The following GTF3C3 variants were observed in gnomAD, a reference collection of about 807,000 sequenced individuals.
GTF3C3 encodes general transcription factor IIIC subunit 3, also known as general transcription factor 3C polypeptide 3.
Under a neutral mutation model 105.2 loss-of-function variants are expected in GTF3C3, and 75 were observed. The ratio of observed to expected loss-of-function variants is 0.71; its 90% CI spans 0.59 to 0.86. The LOEUF (loss-of-function observed/expected upper bound fraction) is 0.86, where lower values mean the gene tolerates loss of function less well. Ranked by LOEUF, GTF3C3 falls within the 40% of genes least tolerant of loss-of-function variation. The pLI, the probability that GTF3C3 is intolerant of heterozygous loss-of-function variation, is 0.00. For synonymous variants in GTF3C3, 335 were observed against 370.4 expected (o/e 0.90, Z 1.10); for missense variants, 856 against 1,076.5 (o/e 0.80, Z 2.87).
intron 14 of GTF3C3, 29 bp downstream of exon 14, chr2:196,772,887 C>A: frequency 9.1e-7 from 1 of 1,104,790 alleles, no homozygotes; most frequent in Non-Finnish European, 1.3e-6. Context: ...ATTAAAGAAT[C>A]TAATTAAAAT....
intron 2 of GTF3C3, among the ~76,000 whole-genome samples, chr2:196,794,896 T>C (rs1699614091): frequency 6.7e-6 from 1 of 149,250 alleles, no homozygotes; most frequent in African/African-American, 2.5e-5. Context: ...ACCTGGCTAA[T>C]TTTTGTATTT....
At chr2:196,799,411 G>T in intron 1 of GTF3C3, 99 bp downstream of exon 1, 2 of 861,122 alleles carry the variant, frequency 2.3e-6, no homozygotes, top group Non-Finnish European at 3.9e-6. Context: ...AAAGTTCCCA[G>T]CCCGCCCCAT....
At chr2:196,795,562 A>G (rs1312219642) in intron 2 of GTF3C3, among the ~76,000 whole-genome samples, 1 of 152,198 alleles carries the variant, frequency 6.6e-6, no homozygotes, top group Non-Finnish European at 1.5e-5. Context: ...AAAAGAAGAA[A>G]AATCGTATGA....
chr2:196,791,494 T>A (rs1433640509), intron 3 of GTF3C3, 34 bp from the exon 4 acceptor site: 1 of 1,560,340 alleles, frequency 6.4e-7, no homozygotes, highest in Non-Finnish European at 8.8e-7. Context: ...TAGATTAAAA[T>A]ATAGTGAAGT....
At chr2:196,793,767 T>G (rs536710357) in intron 2 of GTF3C3, among the ~76,000 whole-genome samples, 1 of 152,336 alleles carries the variant, frequency 6.6e-6, no homozygotes, top group African/African-American at 2.4e-5. Context: ...AAAATAGCTT[T>G]ATTATTTCAG....
At chr2:196,781,353 AAAAAAT>A (rs1379305059) in intron 8 of GTF3C3, among the ~76,000 whole-genome samples, 5 of 23,142 alleles carry the variant, frequency 2.2e-4, no homozygotes, top group Non-Finnish European at 6.3e-4. Context: ...AAAAAAAAAA[AAAAAAT>A]ATATATATAT....
chr2:196,770,420 A>T (rs747944821), intron 15 of GTF3C3, among the ~76,000 whole-genome samples: 2 of 152,220 alleles, frequency 1.3e-5, no homozygotes, highest in Non-Finnish European at 2.9e-5. Context: ...TTATAGAATC[A>T]ACTGATCTGT....
chr2:196,780,939 T>C (rs1323312537), intron 8 of GTF3C3: 3 of 244,372 alleles, frequency 1.2e-5, no homozygotes, highest in African/African-American at 6.7e-5. Context: ...ATAATGAGGA[T>C]ATATGAACCC....
chr2:196,783,274 AGGAGGGAGGGAG>A (rs982131063), intron 8 of GTF3C3, among the ~76,000 whole-genome samples: 5 of 126,774 alleles, frequency 3.9e-5, no homozygotes, highest in African/African-American at 1.5e-4. Flanking sequence ...GAAGGAGGGA[AGGAGGGAGGGAG>A]GGAGGGAGGG....
rs564495273 is a variant in GTF3C3 at position 196,777,283 on chromosome 2, A to ATT, written c.1391-656_1391-655dup. ...GTATTCTCTCTCTCTCACTTCACTC[A>ATT]TTTTTGTTACCTGCCAGGCTCCCAA... On this transcript the variant is annotated intron_variant, in intron 10 of 17. Coordinates refer to ENST00000263956, the MANE Select transcript of GTF3C3 (RefSeq NM_012086.5). Among the ~76,000 whole-genome samples, 12 of 152,044 alleles carry ATT rather than the reference A, an allele frequency of 7.9e-5. No homozygotes were observed. In the South Asian group the frequency reaches 1.7e-3, roughly 21 times the overall value.
At chr2:196,799,486 C>T (rs1699708953) in intron 1 of GTF3C3, 24 bp downstream of exon 1, 7 of 1,562,926 alleles carry the variant, frequency 4.5e-6, no homozygotes, top group Non-Finnish European at 6.2e-6. Context: ...GAGTGAAGGG[C>T]ACCGTGGCCT....
In GTF3C3 at chr2:196,764,023, T is replaced by C. The variant is rs1481393918; in HGVS notation, c.*540A>G. Reference sequence around the variant, plus strand: ...CCAGCCTCCCATGTTTCAGTTTAGGTAGCTAAGATACATGCTGGTGAAAAG... The same window carrying C: ...CCAGCCTCCCATGTTTCAGTTTAGGCAGCTAAGATACATGCTGGTGAAAAG... On this transcript the variant is annotated 3_prime_UTR_variant, in exon 18 of 18. Coordinates refer to ENST00000263956, the MANE Select transcript of GTF3C3 (RefSeq NM_012086.5). 6.6e-6 allele frequency: 1 copy of C among 152,250 alleles called. No homozygotes were observed. The highest frequency in any genetic ancestry group is 1.5e-5 in the Non-Finnish European group (1 of 68,036). The allele number at this position is 152,250 out of a possible 1,614,324, so 9.4% of individuals were successfully genotyped here. A position where few individuals can be genotyped will look rare whatever the true frequency, so the allele number is the denominator to read the frequency against.
Position 196,776,034 on chromosome 2 carries a change from A to G in GTF3C3, c.1671T>C (p.Leu557=). 6.3e-7 allele frequency: 1 copy of G among 1,575,464 alleles called. No individual in the cohort carries two copies. ...CCTTTAAAAGCATGGCTAACATAGT[A>G]AGTAAGGTATCCACATAACCATACA... The part of the protein sequence containing the change: ...GKMYGYVDTL[L]TMLAMLLKVA... The change falls in exon 12 of 18, where the codon CTT becomes CTC. Residue 557 remains leucine (L), a synonymous_variant. Transcript: ENST00000263956. This position sits in a 1 kb window ranked among gnomAD's most constrained non-coding sequence, Gnocchi z 4.5.
chr2:196,773,280 TC>T, intron 13 of GTF3C3, 127 bp from the exon 14 acceptor site: 2 of 669,544 alleles, frequency 3.0e-6, no homozygotes, highest in Non-Finnish European at 5.4e-6. Flanking sequence ...GCCAGTGCTC[TC>T]CGGACAAAGA....
At position 196,779,050 on chromosome 2, in the gene GTF3C3, T is replaced by C. The variant is rs764323881; in HGVS notation, c.1236A>G (p.Leu412=). 6.2e-6 allele frequency: 10 copies of C among 1,613,420 alleles called. No homozygotes were observed. The highest frequency in any genetic ancestry group is 8.5e-6 in the Non-Finnish European group (10 of 1,179,584). ...LEPLNPLLTT[L]VEQNPEDMGD... ...CCATATCTTCAGGATTCTGTTCTAC[T>C]AGTGTTGTCAAGAGAGGCTAGACCA... The change falls in exon 10 of 18, where the codon CTA becomes CTG. Residue 412 remains leucine, a synonymous_variant. Transcript: ENST00000263956.
chr2:196,777,014 A>T (rs1017927281), intron 10 of GTF3C3, among the ~76,000 whole-genome samples: 3 of 152,214 alleles, frequency 2.0e-5, no homozygotes, highest in African/African-American at 7.2e-5. Flanking sequence ...CACATATATA[A>T]ACCAGAGCAC....
intron 8 of GTF3C3, among the ~76,000 whole-genome samples, chr2:196,784,345 G>A (rs1264280671): frequency 1.3e-5 from 2 of 152,116 alleles, no homozygotes; most frequent in East Asian, 3.8e-4. Context: ...TTACAGAATA[G>A]GTTAATGAGT....
At position 196,799,632 on chromosome 2, in the gene GTF3C3, C is replaced by T. The variant is rs1369247343; in HGVS notation, c.-21G>A. On this transcript the variant is annotated 5_prime_UTR_variant, in exon 1 of 18. Coordinates refer to ENST00000263956, the MANE Select transcript of GTF3C3 (RefSeq NM_012086.5). ...GACATGTTTACAGGGTCTGTCTGTG[C>T]AACCCCAGGAACCGGGACAGAGAAC... The T allele has an allele frequency of 2.6e-6, 4 of 1,544,932 alleles. No homozygotes were observed. Among genetic ancestry groups the T allele is most frequent in the African/African-American group, 2.7e-5 (2 of 73,464 alleles).
Position 196,764,656 on chromosome 2 carries a change from T to G in GTF3C3, c.2568A>C (p.Arg856=). The change falls in exon 18 of 18, where the codon CGA becomes CGC. Residue 856 remains arginine, a synonymous_variant. Transcript: ENST00000263956. ...GAGACAAGTTGTAGGCAATATCTCT[T>G]CGTAAGTCTAACTGGTCAAGTTCTA... ...EGIELDQLDL[R]RDIAYNLSLI... 1.2e-6 allele frequency: 2 copies of G among 1,612,216 alleles called. No homozygotes were observed. The highest frequency in any genetic ancestry group is 1.1e-5 in the South Asian group (1 of 91,022).
Sources: allele counts gnomAD v4.1 joint callset (sites outside exome capture counted in the v4.1 genomes callset), GRCh38; gene constraint gnomAD v4.1.1; non-coding constraint Gnocchi (gnomAD v3.1); transcripts MANE v1.5; gene names NCBI Gene and HGNC (gene_info 2026-07-23, HGNC 2026-07-21).